Variants in GABRB2 observed in about 807,000 individuals in gnomAD.
The protein encoded by GABRB2 is gamma-aminobutyric acid type A receptor subunit beta2.
GABRB2 carries 16 observed loss-of-function variants against 54.7 expected under a neutral mutation model. The observed-to-expected ratio is 0.29, with a 90% CI of 0.20 to 0.44. The LOEUF (loss-of-function observed/expected upper bound fraction) is 0.44, where lower values mean the gene tolerates loss of function less well. GABRB2 is among the 20% of genes least tolerant of loss of function. The pLI is 1.00. For missense variants in GABRB2, 355 were observed against 644.0 expected, an observed-to-expected ratio of 0.55 and a Z score of 4.86; for synonymous variants, 244 against 233.8, an observed-to-expected ratio of 1.04 and a Z score of -0.40.
At chr5:161,383,187 A>G (rs1343497415) in intron 5 of GABRB2, among the ~76,000 whole-genome samples, 1 of 152,160 alleles carries the variant, frequency 6.6e-6, no homozygotes, top group South Asian at 2.1e-4. Flanking sequence ...ATCACTAACC[A>G]TGCTGTACAT....
At chr5:161,307,478 T>C (rs1757722983) in intron 9 of GABRB2, among the ~76,000 whole-genome samples, 2 of 151,674 alleles carry the variant, frequency 1.3e-5, no homozygotes, top group East Asian at 3.9e-4. Flanking sequence ...TACAGTTTCT[T>C]AAGTGTTGAG....
At position 161,473,114 on chromosome 5, in the gene GABRB2, T is replaced by C. The variant is rs536138786; in HGVS notation, c.238-13270A>G. On this transcript the variant is annotated intron_variant, in intron 3 of 9. Transcript: ENST00000393959. ...TTATTTTTATATTGAGTTTTTTAGA[T>C]GGCTCTGTAATTTGTGTTCAGAATA... 3.9e-5 allele frequency among the ~76,000 whole-genome samples: 6 copies of C among 152,130 alleles called. No individual in the cohort carries two copies. The South Asian group carries it at 1.0e-3, about 26-fold the overall frequency.
intron 3 of GABRB2, among the ~76,000 whole-genome samples, chr5:161,487,570 T>C (rs937526158): frequency 1.3e-5 from 2 of 151,886 alleles, no homozygotes; most frequent in African/African-American, 4.8e-5. Context: ...GGACAGTACT[T>C]CCTATCAAGC....
intron 4 of GABRB2, among the ~76,000 whole-genome samples, chr5:161,419,077 TG>T (rs1232610812): frequency 1.3e-5 from 2 of 152,118 alleles, no homozygotes; most frequent in Non-Finnish European, 2.9e-5. Flanking sequence ...CAGTGAGCCT[TG>T]GTTGAGACAC....
chr5:161,437,929 G>A (rs981099720), intron 4 of GABRB2, among the ~76,000 whole-genome samples: 1 of 152,176 alleles, frequency 6.6e-6, no homozygotes, highest in Non-Finnish European at 1.5e-5. Context: ...CAGTCCCTGA[G>A]TACTGCAAGG....
At chr5:161,437,708 C>T (rs1322138208) in intron 4 of GABRB2, among the ~76,000 whole-genome samples, 1 of 152,140 alleles carries the variant, frequency 6.6e-6, no homozygotes, top group Non-Finnish European at 1.5e-5. Context: ...GCATTCACCA[C>T]AAGCTGACTT....
intron 3 of GABRB2, among the ~76,000 whole-genome samples, chr5:161,525,716 T>C (rs1227494015): frequency 6.6e-6 from 1 of 151,314 alleles, no homozygotes; most frequent in Non-Finnish European, 1.5e-5. Flanking sequence ...CTTTTTCTTA[T>C]CCAAGGACAT....
At chr5:161,358,494 A>C (rs1029199422) in intron 5 of GABRB2, among the ~76,000 whole-genome samples, 6 of 152,226 alleles carry the variant, frequency 3.9e-5, no homozygotes, top group African/African-American at 1.4e-4. Flanking sequence ...TGAAGTTAGA[A>C]GAAATAACAG....
intron 5 of GABRB2, among the ~76,000 whole-genome samples, chr5:161,357,461 T>C (rs1206666628): frequency 6.6e-6 from 1 of 150,406 alleles, no homozygotes; most frequent in East Asian, 2.0e-4. Flanking sequence ...CTCAATCTTA[T>C]AGGCTATTGT....
At chr5:161,359,683 C>A (rs1330874674) in intron 5 of GABRB2, among the ~76,000 whole-genome samples, 1 of 152,184 alleles carries the variant, frequency 6.6e-6, no homozygotes, top group Non-Finnish European at 1.5e-5. Flanking sequence ...TTTTTATCCT[C>A]TCTCTGATTT....
At chr5:161,334,291 T>G (rs1351638783) in intron 7 of GABRB2, among the ~76,000 whole-genome samples, 1 of 152,218 alleles carries the variant, frequency 6.6e-6, no homozygotes, top group Non-Finnish European at 1.5e-5. Flanking sequence ...ATATTCTTAC[T>G]TTGTTGTCTC....
intron 3 of GABRB2, among the ~76,000 whole-genome samples, chr5:161,533,952 C>T (rs1272485131): frequency 6.6e-6 from 1 of 152,054 alleles, no homozygotes; most frequent in African/African-American, 2.4e-5. Flanking sequence ...AGTGAAAACA[C>T]AATGTTAATG....
intron 3 of GABRB2, among the ~76,000 whole-genome samples, chr5:161,477,063 A>T (rs1215048742): frequency 6.6e-6 from 1 of 151,854 alleles, no homozygotes; most frequent in Non-Finnish European, 1.5e-5. Context: ...ATATATTTTT[A>T]AAAACTCCTA....
chr5:161,461,009 C>T (rs183002577), intron 3 of GABRB2, among the ~76,000 whole-genome samples: 137 of 152,204 alleles, frequency 9.0e-4, no homozygotes, highest in African/African-American at 3.2e-3. Flanking sequence ...TTTGAAGAAT[C>T]AGTAAGACCT....
chr5:161,503,576 T>G (rs1759512397), intron 3 of GABRB2, among the ~76,000 whole-genome samples: 1 of 151,910 alleles, frequency 6.6e-6, no homozygotes, highest in Non-Finnish European at 1.5e-5. Flanking sequence ...GGCATGGTGG[T>G]GCATGCCTGC....
chr5:161,314,234 A>T (rs1228557275), intron 9 of GABRB2, among the ~76,000 whole-genome samples: 1 of 152,248 alleles, frequency 6.6e-6, no homozygotes, highest in Non-Finnish European at 1.5e-5. Flanking sequence ...CTCATGACTC[A>T]TAGATGCTTA....
intron 4 of GABRB2, among the ~76,000 whole-genome samples, chr5:161,442,463 G>A (rs1452614367): frequency 6.6e-6 from 1 of 152,160 alleles, no homozygotes; most frequent in East Asian, 1.9e-4. Context: ...GTAGCCATAT[G>A]GAAAACTTAA....
intron 9 of GABRB2, among the ~76,000 whole-genome samples, chr5:161,297,695 G>C (rs2113340320): frequency 6.6e-6 from 1 of 152,172 alleles, no homozygotes; most frequent in South Asian, 2.1e-4. Flanking sequence ...ATTGGCATTT[G>C]GGTTGGTTCC....
intron 3 of GABRB2, among the ~76,000 whole-genome samples, chr5:161,530,364 A>G (rs1024647746): frequency 1.3e-5 from 2 of 152,138 alleles, no homozygotes; most frequent in African/African-American, 4.8e-5. Flanking sequence ...GATAATTATC[A>G]GAGCTGGTGG....
Sources: allele counts gnomAD v4.1 joint callset (sites outside exome capture counted in the v4.1 genomes callset), GRCh38; gene constraint gnomAD v4.1.1; transcripts MANE v1.5; gene names NCBI Gene and HGNC (gene_info 2026-07-23, HGNC 2026-07-21).